SLC25A45: variants seen among roughly 807,000 people sequenced by gnomAD.
SLC25A45 encodes methylated amino-acid transporter SLC25A45.
Under a neutral mutation model 23.0 loss-of-function variants are expected in SLC25A45, and 22 were observed. The ratio of observed to expected loss-of-function variants is 0.95; its 90% CI spans 0.68 to 1.36. The LOEUF is 1.36. SLC25A45 is among the 40% of genes most tolerant of loss of function. SLC25A45 has a pLI of 0.00. For synonymous variants in SLC25A45, 136 were observed against 155.0 expected, an observed-to-expected ratio of 0.88 and a Z score of 0.91; for missense variants, 355 against 383.5, an observed-to-expected ratio of 0.93 and a Z score of 0.62.
At position 65,376,314 on chromosome 11, in the gene SLC25A45, G is replaced by T. The variant is rs959769664; in HGVS notation, c.*93C>A. The T allele has an allele frequency of 6.9e-7, 1 of 1,458,392 alleles. No homozygotes were observed. Among genetic ancestry groups the T allele is most frequent in the Non-Finnish European group, 9.3e-7 (1 of 1,071,974 alleles). The allele number at this position is 1,458,392 out of a possible 1,614,324, so 90.3% of individuals were successfully genotyped here. A position where few individuals can be genotyped will look rare whatever the true frequency, so the allele number is the denominator to read the frequency against. On this transcript the variant is annotated 3_prime_UTR_variant, in exon 7 of 7. Transcript: ENST00000398802. Reference sequence around the variant, plus strand: ...TTGGTTAGGAAGGGCTGAGCCTCTTGCACTGATTTGCAAGCTTTCAACCTG... The same window carrying T: ...TTGGTTAGGAAGGGCTGAGCCTCTTTCACTGATTTGCAAGCTTTCAACCTG...
chr11:65,380,701 G>T, intron 2 of SLC25A45: 2 of 897,246 alleles, frequency 2.2e-6, no homozygotes, highest in African/African-American at 1.7e-5. Context: ...CCACTGCCTA[G>T]CCCTGCCCTC....
At chr11:65,380,390 A>C (rs1248864534) in intron 2 of SLC25A45, 3 of 921,562 alleles carry the variant, frequency 3.3e-6, no homozygotes, top group African/African-American at 1.7e-5. Context: ...GGGACAAGGG[A>C]CTAAGACCCC....
rs1043960074 is a variant in SLC25A45 at position 65,382,222 on chromosome 11, A to G, written c.-18-253T>C. ...AGGCCCTGATCCCCGAGCCCGGCCA[A>G]TGATCCTCGCTCTGAGGATGGCAAC... On this transcript the variant is annotated intron_variant, in intron 1 of 6. Coordinates refer to ENST00000398802, the MANE Select transcript of SLC25A45 (RefSeq NM_182556.4). This position sits in a 1 kb window ranked among gnomAD's most constrained non-coding sequence, Gnocchi z 4.4. 11 of 533,726 alleles carry G rather than the reference A, an allele frequency of 2.1e-5. No homozygotes were observed. Among genetic ancestry groups the G allele is most frequent in the East Asian group, 3.2e-5 (1 of 31,726 alleles). 33.1% of individuals were successfully genotyped at this position (533,726 alleles called of 1,614,324 possible). A position where few individuals can be genotyped will look rare whatever the true frequency, so the allele number is the denominator to read the frequency against.
At position 65,381,943 on chromosome 11, in the gene SLC25A45, C is replaced by A. The variant is rs1349534630; in HGVS notation, c.9G>T (p.Val3=). 6.2e-7 allele frequency: 1 copy of A among 1,614,038 alleles called. No homozygotes were observed. The highest frequency in any genetic ancestry group is 1.3e-5 in the African/African-American group (1 of 74,914). Residue 3 remains valine (V), a synonymous_variant, in exon 2 of 7, where the codon GTG becomes GTT. Coordinates refer to ENST00000398802, the MANE Select transcript of SLC25A45 (RefSeq NM_182556.4). MP[V]EEFVAGWISG... ...AGATCCAGCCAGCCACAAATTCCTC[C>A]ACCGGCATTGTCTGGGCTTGCGGGA...
At chr11:65,380,361 A>G in intron 2 of SLC25A45, 186 bp from the exon 3 acceptor site, 1 of 960,418 alleles carries the variant, frequency 1.0e-6, no homozygotes, top group South Asian at 1.6e-5. Flanking sequence ...CCACACAGGC[A>G]CTGGGCCAGG....
chr11:65,375,453 C>T lies in SLC25A45; in HGVS notation c.*954G>A, dbSNP rs114876907. ...AGGGGACTGGGCTCAGCCTGGGTCT[C>T]GGAGGAGAGCGGGGCCAGCCCCGGG... On this transcript the variant is annotated 3_prime_UTR_variant, in exon 7 of 7. Transcript: ENST00000398802. 4,454 of 152,454 alleles carry T rather than the reference C, an allele frequency of 0.029. 247 individuals carry two copies. The highest frequency in any genetic ancestry group is 0.1 in the African/African-American group (4,244 of 41,542). 9.4% of individuals were successfully genotyped at this position (152,454 alleles called of 1,614,324 possible). A position where few individuals can be genotyped will look rare whatever the true frequency, so the allele number is the denominator to read the frequency against.
rs775657577 is a variant in SLC25A45 at position 65,376,427 on chromosome 11, G to C, written c.847C>G (p.Leu283Val). 1 of 1,613,950 alleles carries C rather than the reference G, an allele frequency of 6.2e-7. No homozygotes were observed. The highest frequency in any genetic ancestry group is 1.1e-5 in the South Asian group (1 of 91,088). Residue 283 changes from leucine (L) to valine (V), a missense_variant, in exon 7 of 7, where the codon CTC becomes GTC. By Grantham distance (32) the Leu-to-Val change is conservative. Coordinates refer to ENST00000398802, the MANE Select transcript of SLC25A45 (RefSeq NM_182556.4). ...AGGGCTCATCCCCACCAGCGGAGGA[G>C]ATATTCGTAGCTGAGGAAGGTGACA... Reference protein sequence around the residue: ...NAVTFLSYEYLLRWWG With the variant: ...NAVTFLSYEYVLRWWG
At chr11:65,379,205 ACAGCCCTCCCC>A in intron 5 of SLC25A45, 160 bp downstream of exon 5, 2 of 721,284 alleles carry the variant, frequency 2.8e-6, no homozygotes, top group South Asian at 3.8e-5. Context: ...TCTGTTCCCC[ACAGCCCTCCCC>A]CAGAGGCCTG....
rs34891223 is a variant in SLC25A45, at chr11:65,381,560, C to CTTTTTT, written c.37+349_37+354dup. 79 of 84,672 alleles carry CTTTTTT rather than the reference C, an allele frequency of 9.3e-4. 3 individuals carry two copies. The highest frequency in any genetic ancestry group is 1.9e-3 in the South Asian group (11 of 5,858). The allele number at this position is 84,672 out of a possible 1,614,324, so 5.2% of individuals were successfully genotyped here. A position where few individuals can be genotyped will look rare whatever the true frequency, so the allele number is the denominator to read the frequency against. ...AGGTGTGAGCCACCATGCCCTGATT[C>CTTTTTT]TTTTTTTTTTTTTTTTTTTTTTTTT... On this transcript the variant is annotated intron_variant, in intron 2 of 6. Coordinates refer to ENST00000398802, the MANE Select transcript of SLC25A45 (RefSeq NM_182556.4).
Position 65,376,330 on chromosome 11 carries a change from T to C in SLC25A45, c.*77A>G. On this transcript the variant is annotated 3_prime_UTR_variant, in exon 7 of 7. Coordinates refer to ENST00000398802, the MANE Select transcript of SLC25A45 (RefSeq NM_182556.4). The stretch of plus-strand genomic sequence containing the variant: ...GAGCCTCTTGCACTGATTTGCAAGC[T>C]TTCAACCTGGCCTCCAATCTCAAAC... 2 of 1,539,060 alleles carry C rather than the reference T, an allele frequency of 1.3e-6. No individual in the cohort carries two copies. Among genetic ancestry groups the C allele is most frequent in the Non-Finnish European group, 1.8e-6 (2 of 1,131,912 alleles).
rs1345632673 is a variant in SLC25A45 at position 65,382,263 on chromosome 11, T to C, written c.-19+223A>G. 8.8e-6 allele frequency: 4 copies of C among 454,326 alleles called. No individual in the cohort carries two copies. The highest frequency in any genetic ancestry group is 6.8e-5 in the Admixed American group (2 of 29,524). The allele number at this position is 454,326 out of a possible 1,614,324, so 28.1% of individuals were successfully genotyped here. A position where few individuals can be genotyped will look rare whatever the true frequency, so the allele number is the denominator to read the frequency against. ...GGATGGCAACTGGGTTCCTGCCCCA[T>C]GGTCGGGCCCCTCCAGGGCTGCCTT... On this transcript the variant is annotated intron_variant, in intron 1 of 6. Coordinates refer to ENST00000398802, the MANE Select transcript of SLC25A45 (RefSeq NM_182556.4). This position sits in a 1 kb window ranked among gnomAD's most constrained non-coding sequence, Gnocchi z 4.4.
At position 65,375,486 on chromosome 11, in the gene SLC25A45, G is replaced by C. The variant is rs1419653754; in HGVS notation, c.*921C>G. 2 of 152,486 alleles carry C rather than the reference G, an allele frequency of 1.3e-5. No homozygotes were observed. Among genetic ancestry groups the C allele is most frequent in the Non-Finnish European group, 2.9e-5 (2 of 68,266 alleles). 9.4% of individuals were successfully genotyped at this position (152,486 alleles called of 1,614,324 possible). A position where few individuals can be genotyped will look rare whatever the true frequency, so the allele number is the denominator to read the frequency against. Reference sequence around the variant, plus strand: ...AGCGGGGCCAGCCCCGGGGATGGTAGAGTCAACCTGCCAGGCACTGTGCAC... The same window carrying C: ...AGCGGGGCCAGCCCCGGGGATGGTACAGTCAACCTGCCAGGCACTGTGCAC... On this transcript the variant is annotated 3_prime_UTR_variant, in exon 7 of 7. Transcript: ENST00000398802.
intron 2 of SLC25A45, chr11:65,381,534 C>T (rs968333729): frequency 8.7e-6 from 2 of 230,944 alleles, no homozygotes; most frequent in Non-Finnish European, 1.7e-5. Flanking sequence ...GCTGGGATTA[C>T]AGGTGTGAGC....
Position 65,376,545 on chromosome 11 carries a change from C to T in SLC25A45, c.729G>A (p.Leu243=), listed in dbSNP as rs762552437. The stretch of plus-strand genomic sequence containing the variant: ...GCCGGATGCTGCTCACCATGCAGTC[C>T]AGCATCCCCTGGTACACTCTGCGTC... ...GLRRRVYQGM[L]DCMVSSIRQE... The change falls in exon 7 of 7, where the codon CTG becomes CTA. Residue 243 remains leucine (L), a synonymous_variant. Coordinates refer to ENST00000398802, the MANE Select transcript of SLC25A45 (RefSeq NM_182556.4). 2 of 1,614,192 alleles carry T rather than the reference C, an allele frequency of 1.2e-6. No homozygotes were observed. Among genetic ancestry groups the T allele is most frequent in the East Asian group, 2.2e-5 (1 of 44,888 alleles).
In SLC25A45 at chr11:65,380,706, G is replaced by A; in HGVS notation, c.38-531C>T. ...CTCCACCTGCCCACTGCCTAGCCCT[G>A]CCCTCCACAGCAGAGGCTGGTTCTG... On this transcript the variant is annotated intron_variant, in intron 2 of 6. Coordinates refer to ENST00000398802, the MANE Select transcript of SLC25A45 (RefSeq NM_182556.4). 2.5e-5 allele frequency: 20 copies of A among 809,180 alleles called. No homozygotes were observed. The South Asian group carries it at 3.0e-4, about 12-fold the overall frequency. 50.1% of individuals were successfully genotyped at this position (809,180 alleles called of 1,614,324 possible).
rs772486405 is a variant in SLC25A45, at chr11:65,379,473, AG to A, written c.241del (p.Leu81CysfsTer24). 2.5e-6 allele frequency: 4 copies of A among 1,614,108 alleles called. No homozygotes were observed. The highest frequency in any genetic ancestry group is 1.3e-5 in the African/African-American group (1 of 75,058). On this transcript the variant is annotated frameshift_variant, in exon 5 of 7. Transcript: ENST00000398802. LOFTEE classifies it high-confidence loss of function. Reference sequence around the variant, plus strand: ...GTGGGAGGTGGCCGTGAGCACCAGCAGGGTGTTGCTATAGACCCCAAACAGG... The same window carrying A: ...GTGGGAGGTGGCCGTGAGCACCAGCAGGTGTTGCTATAGACCCCAAACAGG... Reference protein sequence around the residue: ...SVLFGVYSNTLLVLTATSHQE... With the variant: ...SVLFGVYSNTXLVLTATSHQE...
At chr11:65,377,430 G>A (rs956777641) in intron 5 of SLC25A45, 9 of 1,089,888 alleles carry the variant, frequency 8.3e-6, no homozygotes, top group East Asian at 6.9e-5. Context: ...ATACCTGTAC[G>A]GTGGGCAGGG....
chr11:65,379,827 C>T lies in SLC25A45; in HGVS notation c.153+40G>A, dbSNP rs189933198. ...CTGGTACCAACAGCCCCAGATGCCT[C>T]CCCGAAAGGGGAAGGACCCCAAAGG... On this transcript the variant is annotated intron_variant, in intron 4 of 6. Transcript: ENST00000398802. 6.8e-6 allele frequency: 11 copies of T among 1,610,656 alleles called. 1 individual carries two copies. In the East Asian group the frequency reaches 2.5e-4, roughly 36 times the overall value.
At chr11:65,380,036 C>G in intron 3 of SLC25A45, 96 bp downstream of exon 3, 1 of 1,584,866 alleles carries the variant, frequency 6.3e-7, no homozygotes, top group Admixed American at 1.7e-5. Flanking sequence ...GCAGGAGAGG[C>G]AGGAAAGGCA....
Sources: allele counts gnomAD v4.1 joint callset, GRCh38; gene constraint gnomAD v4.1.1; non-coding constraint Gnocchi (gnomAD v3.1); transcripts MANE v1.5; gene names NCBI Gene and HGNC (gene_info 2026-07-23, HGNC 2026-07-21).